RC3H1: variants seen among roughly 807,000 people sequenced by gnomAD.
The protein encoded by RC3H1 is ring finger and CCCH-type domains 1.
RC3H1 carries 50 observed loss-of-function variants against 138.2 expected under a neutral mutation model. The observed-to-expected ratio is 0.36, with a 90% CI of 0.29 to 0.46. RC3H1 has a LOEUF of 0.46. RC3H1 is among the 20% of genes least tolerant of loss of function. The pLI, the probability that RC3H1 is intolerant of heterozygous loss-of-function variation, is 1.00. For synonymous variants in RC3H1, 462 were observed against 489.1 expected, an observed-to-expected ratio of 0.94 and a Z score of 0.73; for missense variants, 1,031 against 1,388.1, an observed-to-expected ratio of 0.74 and a Z score of 4.09.
intron 7 of RC3H1, among the ~76,000 whole-genome samples, chr1:173,977,443 TA>T (rs1334537689): frequency 2.0e-5 from 3 of 152,188 alleles, no homozygotes; most frequent in Non-Finnish European, 2.9e-5. Flanking sequence ...GACAAAACAT[TA>T]AGGTTTTAAA....
rs1206557383 is a variant in RC3H1 at position 173,931,108 on chromosome 1, ATTTC to A, written c.*7609_*7612del. On this transcript the variant is annotated 3_prime_UTR_variant, in exon 20 of 20. Transcript: ENST00000367696. ...ATGTGTTTGCTCATGCAGATTAGCCATTTCTTTATTTTTCACCTAAAAAAGCCCC... is the reference window on the plus strand; with the variant it reads ...ATGTGTTTGCTCATGCAGATTAGCCATTTATTTTTCACCTAAAAAAGCCCC... The A allele has an allele frequency of 6.6e-6, 1 of 152,186 alleles. No homozygotes were observed. Among genetic ancestry groups the A allele is most frequent in the Non-Finnish European group, 1.5e-5 (1 of 68,036 alleles). 9.4% of individuals were successfully genotyped at this position (152,186 alleles called of 1,614,324 possible). A position where few individuals can be genotyped will look rare whatever the true frequency, so the allele number is the denominator to read the frequency against.
At chr1:173,955,559 T>C (rs1436095421) in intron 13 of RC3H1, among the ~76,000 whole-genome samples, 1 of 151,814 alleles carries the variant, frequency 6.6e-6, no homozygotes, top group East Asian at 2.0e-4. Flanking sequence ...GACCTCATGA[T>C]CTGCCCACTG....
rs749593240 is a variant in RC3H1, at chr1:173,952,059, G to A, written c.2450C>T (p.Thr817Ile). The change falls in exon 14 of 20, where the codon ACC (threonine) becomes ATC (isoleucine). Residue 817 changes from threonine to isoleucine, a missense_variant. Coordinates refer to ENST00000367696, the MANE Select transcript of RC3H1 (RefSeq NM_172071.4). Reference protein sequence around the residue: ...YSQYSPWSCDTIGSYIGTKDA... With the variant: ...YSQYSPWSCDIIGSYIGTKDA... ...TTTGGTTCCAATGTAGGAGCCGATG[G>A]TGTCACATGACCAGGGAGAGTATTG... 3.1e-6 allele frequency: 5 copies of A among 1,607,412 alleles called. No individual in the cohort carries two copies. The highest frequency in any genetic ancestry group is 4.2e-6 in the Non-Finnish European group (5 of 1,176,836).
intron 18 of RC3H1, 96 bp from the exon 19 acceptor site, chr1:173,941,476 ATCATAT>A (rs1236196224): frequency 1.7e-5 from 12 of 722,074 alleles, no homozygotes; most frequent in African/African-American, 1.6e-4. Flanking sequence ...TGATCCAGAA[ATCATAT>A]TCAATTTTGT....
intron 2 of RC3H1, among the ~76,000 whole-genome samples, chr1:173,989,405 G>A (rs1322836039): frequency 6.6e-6 from 1 of 152,154 alleles, no homozygotes; most frequent in Non-Finnish European, 1.5e-5. Flanking sequence ...GTTTTGCCAT[G>A]TTGCCTAGGC....
At chr1:173,981,181 C>T (rs1660800395) in intron 5 of RC3H1, among the ~76,000 whole-genome samples, 172 bp from the exon 6 acceptor site, 1 of 152,196 alleles carries the variant, frequency 6.6e-6, no homozygotes, top group Non-Finnish European at 1.5e-5. Context: ...ATATTGCTAT[C>T]ATCCCATTCT....
intron 1 of RC3H1, among the ~76,000 whole-genome samples, chr1:174,005,883 T>C (rs1661644700): frequency 6.6e-6 from 1 of 152,132 alleles, no homozygotes; most frequent in Non-Finnish European, 1.5e-5. Flanking sequence ...CCAAGTTAGA[T>C]GTTGTTAGTC....
chr1:173,940,827 C>CT (rs112558924), intron 19 of RC3H1, among the ~76,000 whole-genome samples: 42,100 of 144,594 alleles, frequency 0.29, 10,688 homozygotes, highest in African/African-American at 0.69. Context: ...CAAAAATATT[C>CT]TTTTTTTTTT....
rs145243784 is a variant in RC3H1 at position 173,947,843 on chromosome 1, A to T, written c.2524-261T>A. ...CTGCATCCTCAACCTCCTGGGCTCCAGTGATCCTCCCACCTCAGCCTCCTA... is the reference window on the plus strand; with the variant it reads ...CTGCATCCTCAACCTCCTGGGCTCCTGTGATCCTCCCACCTCAGCCTCCTA... On this transcript the variant is annotated intron_variant, in intron 14 of 19. Coordinates refer to ENST00000367696, the MANE Select transcript of RC3H1 (RefSeq NM_172071.4). Among the ~76,000 whole-genome samples the T allele has an allele frequency of 4.4e-3, 670 of 152,162 alleles. 6 individuals carry two copies. Among genetic ancestry groups the T allele is most frequent in the African/African-American group, 0.015 (643 of 41,518 alleles).
rs774511218 is a variant in RC3H1, at chr1:173,964,865, A to G, written c.1590T>C (p.Ser530=). 4 of 1,614,222 alleles carry G rather than the reference A, an allele frequency of 2.5e-6. No individual in the cohort carries two copies. Among genetic ancestry groups the G allele is most frequent in the Non-Finnish European group, 3.4e-6 (4 of 1,180,028 alleles). Reference sequence around the variant, plus strand: ...GGTCAGGAGGGGATCCAGGAGCACTACTGCTCAGATGATCTATTTTTCCTG... The same window carrying G: ...GGTCAGGAGGGGATCCAGGAGCACTGCTGCTCAGATGATCTATTTTTCCTG... ...LKPGKIDHLS[S]SAPGSPPDLL... is the part of the protein sequence containing the mutation. The change falls in exon 10 of 20, where the codon AGT becomes AGC. Residue 530 remains serine (S), a synonymous_variant. Transcript: ENST00000367696.
chr1:173,941,500 C>A (rs1239407772), intron 18 of RC3H1, 120 bp from the exon 19 acceptor site: 3 of 637,064 alleles, frequency 4.7e-6, no homozygotes, highest in Admixed American at 5.7e-5. Flanking sequence ...TGTAAAATAA[C>A]CAAAGAAACT....
At chr1:174,011,556 A>G (rs1189333671) in intron 1 of RC3H1, among the ~76,000 whole-genome samples, 1 of 152,158 alleles carries the variant, frequency 6.6e-6, no homozygotes, top group African/African-American at 2.4e-5. Context: ...AGTCTCCACA[A>G]AAATGGACTT....
Position 173,983,475 on chromosome 1 carries a change from G to C in RC3H1, c.535C>G (p.Leu179Val). 1 of 1,614,232 alleles carries C rather than the reference G, an allele frequency of 6.2e-7. No homozygotes were observed. The highest frequency in any genetic ancestry group is 1.1e-5 in the South Asian group (1 of 91,086). Residue 179 changes from leucine (L) to valine (V), a missense_variant, in exon 4 of 20, where the codon CTC (leucine) becomes GTC (valine). Coordinates refer to ENST00000367696, the MANE Select transcript of RC3H1 (RefSeq NM_172071.4). The stretch of plus-strand genomic sequence containing the variant: ...ACTGCTGCCCAAAGATTGGAAGAGA[G>C]TTGCTGAGGATTCTGGTGCTGGAGA... ...LILQHQNPQQ[L>V]SSNLWAAVRA... is the part of the protein sequence containing the mutation.
rs1412512534 is a variant in RC3H1, at chr1:173,931,927, G to C, written c.*6794C>G. ...TCAATTTTTTTTTTTCCTGAACAGG[G>C]GGGTGGAGGCAGGCAAGAAAGAATA... On this transcript the variant is annotated 3_prime_UTR_variant, in exon 20 of 20. Coordinates refer to ENST00000367696, the MANE Select transcript of RC3H1 (RefSeq NM_172071.4). The C allele has an allele frequency of 6.6e-6, 1 of 151,768 alleles. No individual in the cohort carries two copies. Among genetic ancestry groups the C allele is most frequent in the Admixed American group, 6.6e-5 (1 of 15,242 alleles). 9.4% of individuals were successfully genotyped at this position (151,768 alleles called of 1,614,324 possible).
rs1210669077 is a variant in RC3H1, at chr1:173,936,730, CATATATATATATAT to C, written c.*1977_*1990del. On this transcript the variant is annotated 3_prime_UTR_variant, in exon 20 of 20. Coordinates refer to ENST00000367696, the MANE Select transcript of RC3H1 (RefSeq NM_172071.4). ...AGCCAAAAAAAAAAGAAAAAGCATA[CATATATATATATAT>C]ATATATATATATATATATTTTTTTT... The C allele has an allele frequency of 2.2e-3, 103 of 46,782 alleles. 2 individuals are homozygous for C. Among genetic ancestry groups the C allele is most frequent in the African/African-American group, 8.7e-3 (90 of 10,300 alleles). 2.9% of individuals were successfully genotyped at this position (46,782 alleles called of 1,614,324 possible).
At chr1:174,009,627 T>C (rs1661713883) in intron 1 of RC3H1, among the ~76,000 whole-genome samples, 1 of 152,060 alleles carries the variant, frequency 6.6e-6, no homozygotes, top group Non-Finnish European at 1.5e-5. Flanking sequence ...TCACTTGAGG[T>C]TAGGAGTTCA....
intron 5 of RC3H1, 82 bp downstream of exon 5, chr1:173,982,645 T>C (rs1267875884): frequency 1.6e-5 from 20 of 1,281,778 alleles, no homozygotes; most frequent in Non-Finnish European, 1.9e-5. Context: ...CAGGCAACTT[T>C]ATTAAACTCA....
At chr1:173,945,327 T>C (rs1175175025) in intron 17 of RC3H1, among the ~76,000 whole-genome samples, 7 of 152,166 alleles carry the variant, frequency 4.6e-5, no homozygotes, top group Admixed American at 4.6e-4. Context: ...GATTTTGCCA[T>C]GTTGCCCAGG....
At chr1:173,954,420 G>A (rs1471895764) in intron 13 of RC3H1, among the ~76,000 whole-genome samples, 1 of 152,054 alleles carries the variant, frequency 6.6e-6, no homozygotes, top group Non-Finnish European at 1.5e-5. Context: ...AGACTAGAAA[G>A]GGAATGGGGG....
Sources: allele counts gnomAD v4.1 joint callset (sites outside exome capture counted in the v4.1 genomes callset), GRCh38; gene constraint gnomAD v4.1.1; transcripts MANE v1.5; gene names NCBI Gene and HGNC (gene_info 2026-07-23, HGNC 2026-07-21).